COMMD10: variants seen among roughly 807,000 people sequenced by gnomAD.
COMMD10 encodes the protein COMM domain containing 10.
COMMD10 carries 33 observed loss-of-function variants against 28.9 expected under a neutral mutation model. The observed-to-expected ratio is 1.14, with a 90% CI of 0.87 to 1.53. COMMD10 has a LOEUF of 1.53. Ranked by LOEUF, COMMD10 falls within the 40% of genes most tolerant of loss-of-function variation. The pLI is 0.00. For synonymous variants in COMMD10, 110 were observed against 81.7 expected (o/e 1.35, Z -1.87); for missense variants, 310 against 233.4 (o/e 1.33, Z -2.14).
At chr5:116,284,454 G>C (rs1183788303) in intron 5 of COMMD10, among the ~76,000 whole-genome samples, 2 of 151,832 alleles carry the variant, frequency 1.3e-5, no homozygotes, top group Non-Finnish European at 2.9e-5. Context: ...ACTCACAGCT[G>C]TCGTTTATGC....
chr5:116,108,676 C>A (rs147426346), intron 4 of COMMD10, among the ~76,000 whole-genome samples: 1,820 of 152,228 alleles, frequency 0.012, 36 homozygotes, highest in African/African-American at 0.04. Context: ...GGCTTCAGCC[C>A]CCTTTCCAGG....
intron 5 of COMMD10, among the ~76,000 whole-genome samples, chr5:116,222,115 T>G (rs987650232): frequency 6.6e-6 from 1 of 152,198 alleles, no homozygotes; most frequent in Non-Finnish European, 1.5e-5. Flanking sequence ...TCTGGGATGT[T>G]AAGAAGTTAG....
intron 5 of COMMD10, among the ~76,000 whole-genome samples, chr5:116,207,852 A>T (rs748800080): frequency 4.6e-5 from 7 of 152,004 alleles, no homozygotes; most frequent in African/African-American, 1.7e-4. Flanking sequence ...CACACTCCCA[A>T]CCTTTAACAT....
At chr5:116,277,067 TAA>T (rs1459617429) in intron 5 of COMMD10, among the ~76,000 whole-genome samples, 18 of 151,958 alleles carry the variant, frequency 1.2e-4, no homozygotes, top group African/African-American at 3.1e-4. Context: ...CCAAAAAATA[TAA>T]GTTAAATTCT....
intron 5 of COMMD10, among the ~76,000 whole-genome samples, chr5:116,201,356 G>A (rs532573600): frequency 6.6e-6 from 1 of 152,290 alleles, no homozygotes; most frequent in South Asian, 2.1e-4. Context: ...AAACTCAACA[G>A]AAGTGAGGAG....
intron 5 of COMMD10, among the ~76,000 whole-genome samples, chr5:116,196,989 A>G (rs1432994566): frequency 3.3e-5 from 5 of 152,122 alleles, no homozygotes; most frequent in African/African-American, 1.2e-4. Context: ...ACAAATAACA[A>G]CTTTGTAAGT....
chr5:116,114,432 A>G (rs764205801), intron 4 of COMMD10, among the ~76,000 whole-genome samples: 2 of 152,104 alleles, frequency 1.3e-5, no homozygotes, highest in Non-Finnish European at 2.9e-5. Flanking sequence ...GCTGACCTCC[A>G]GGCTGGGTGG....
At chr5:116,206,280 A>G (rs937323038) in intron 5 of COMMD10, among the ~76,000 whole-genome samples, 18 of 152,146 alleles carry the variant, frequency 1.2e-4, no homozygotes, top group Non-Finnish European at 2.2e-4. Context: ...TTGAAACAGC[A>G]GTTTCCATTT....
At chr5:116,105,464 T>C (rs1210838252) in intron 4 of COMMD10, among the ~76,000 whole-genome samples, 1 of 152,220 alleles carries the variant, frequency 6.6e-6, no homozygotes, top group African/African-American at 2.4e-5. Context: ...AGGATGATGT[T>C]GGCCTCGTAA....
chr5:116,216,016 T>TA (rs969036038), intron 5 of COMMD10, among the ~76,000 whole-genome samples: 1 of 152,084 alleles, frequency 6.6e-6, no homozygotes, highest in Non-Finnish European at 1.5e-5. Flanking sequence ...GGAAAGGCCT[T>TA]ATCATTTATA....
intron 5 of COMMD10, among the ~76,000 whole-genome samples, chr5:116,210,325 TATATATATAC>T (rs1399916792): frequency 2.6e-5 from 4 of 151,432 alleles, no homozygotes; most frequent in Non-Finnish European, 4.4e-5. Flanking sequence ...TGTATTTATA[TATATATATAC>T]ATATATATAC....
intron 4 of COMMD10, among the ~76,000 whole-genome samples, chr5:116,094,654 G>A (rs1000868025): frequency 3.4e-4 from 52 of 152,172 alleles, no homozygotes; most frequent in African/African-American, 1.2e-3. Context: ...ACACAGTCCA[G>A]TAATTCCACT....
chr5:116,246,198 T>C (rs75608004), intron 5 of COMMD10, among the ~76,000 whole-genome samples: 1 of 151,796 alleles, frequency 6.6e-6, no homozygotes, highest in South Asian at 2.1e-4. Flanking sequence ...CAGCAGTCAA[T>C]CCAAGAGCCA....
At chr5:116,171,344 G>A (rs557927399) in intron 5 of COMMD10, among the ~76,000 whole-genome samples, 1 of 152,102 alleles carries the variant, frequency 6.6e-6, no homozygotes, top group African/African-American at 2.4e-5. Context: ...GCTGGAGAGG[G>A]TGTGGAGAAA....
chr5:116,091,601 T>C (rs1750299861), intron 3 of COMMD10, among the ~76,000 whole-genome samples: 1 of 152,200 alleles, frequency 6.6e-6, no homozygotes, highest in African/African-American at 2.4e-5. Context: ...TAAGCTCCTA[T>C]TCAAGGCTCA....
intron 5 of COMMD10, among the ~76,000 whole-genome samples, chr5:116,169,760 T>C (rs1252215778): frequency 6.6e-6 from 1 of 152,152 alleles, no homozygotes; most frequent in East Asian, 1.9e-4. Context: ...TCAATAGATG[T>C]AGAAAAGGCC....
chr5:116,092,626 T>C lies in COMMD10; in HGVS notation c.325T>C (p.Phe109Leu). 1 of 1,612,626 alleles carries C rather than the reference T, an allele frequency of 6.2e-7. No individual in the cohort carries two copies. The highest frequency in any genetic ancestry group is 2.2e-5 in the East Asian group (1 of 44,836). ...TCTTAGACAAGACAAAGCTGAAGCATTTGTCAATACGTGGTCTTCTATGGG... is the reference window on the plus strand; with the variant it reads ...TCTTAGACAAGACAAAGCTGAAGCACTTGTCAATACGTGGTCTTCTATGGG... Reference protein sequence around the residue: ...IHLRQDKAEAFVNTWSSMGQE... With the variant: ...IHLRQDKAEALVNTWSSMGQE... The change falls in exon 4 of 7, where the codon TTT becomes CTT. Residue 109 changes from phenylalanine to leucine, a missense_variant. Coordinates refer to ENST00000274458, the MANE Select transcript of COMMD10 (RefSeq NM_016144.4).
At chr5:116,176,357 A>C (rs190317252) in intron 5 of COMMD10, among the ~76,000 whole-genome samples, 259 of 152,000 alleles carry the variant, frequency 1.7e-3, no homozygotes, top group African/African-American at 5.9e-3. Context: ...CAAGTGATCC[A>C]CTCTCGTCGG....
At chr5:116,243,549 A>C (rs1749867332) in intron 5 of COMMD10, among the ~76,000 whole-genome samples, 1 of 152,146 alleles carries the variant, frequency 6.6e-6, no homozygotes, top group Non-Finnish European at 1.5e-5. Context: ...TAAACAAATA[A>C]AAATATAGTT....
Sources: gnomAD v4.1 joint callset for allele counts (sites outside exome capture counted in the v4.1 genomes callset) on GRCh38, gnomAD v4.1.1 for gene constraint, MANE v1.5 for transcripts, NCBI Gene and HGNC (gene_info 2026-07-23, HGNC 2026-07-21) for gene names.